RELL1: variants seen among roughly 807,000 people sequenced by gnomAD.
The protein encoded by RELL1 is RELT like 1.
Under a neutral mutation model 23.0 loss-of-function variants are expected in RELL1, and 10 were observed. The ratio of observed to expected loss-of-function variants is 0.43; its 90% CI spans 0.27 to 0.74. The LOEUF is 0.74. RELL1 is among the 30% of genes least tolerant of loss of function. The probability of loss-of-function intolerance (pLI) is 0.19; values close to 1 mark genes in which losing one functional copy is unlikely to be tolerated. For missense variants in RELL1, 315 were observed against 364.4 expected, an observed-to-expected ratio of 0.86 and a Z score of 1.10; for synonymous variants, 146 against 146.8, an observed-to-expected ratio of 0.99 and a Z score of 0.04.
chr4:37,637,613 C>T (rs1720377882), intron 4 of RELL1, among the ~76,000 whole-genome samples: 1 of 152,216 alleles, frequency 6.6e-6, no homozygotes, highest in Non-Finnish European at 1.5e-5. Context: ...CATCCTACAG[C>T]ATTCACAGGC....
chr4:37,652,360 C>T (rs1295105399), intron 1 of RELL1, among the ~76,000 whole-genome samples: 4 of 152,218 alleles, frequency 2.6e-5, no homozygotes, highest in Non-Finnish European at 5.9e-5. Flanking sequence ...ATAATAAATA[C>T]ATCCCTAAAT....
intron 6 of RELL1, among the ~76,000 whole-genome samples, chr4:37,595,920 G>A (rs1201404425): frequency 6.6e-6 from 1 of 151,974 alleles, no homozygotes; most frequent in Non-Finnish European, 1.5e-5. Context: ...AATCCTGGAA[G>A]AGAAGGAAAA....
intron 6 of RELL1, among the ~76,000 whole-genome samples, chr4:37,617,180 TTCAGATTC>T (rs1171096014): frequency 6.6e-6 from 1 of 152,146 alleles, no homozygotes; most frequent in East Asian, 1.9e-4. Flanking sequence ...TACCAAAAAC[TTCAGATTC>T]CTTGGGCCTC....
intron 5 of RELL1, 23 bp downstream of exon 5, chr4:37,634,864 A>G (rs1467877890): frequency 1.3e-5 from 21 of 1,607,616 alleles, no homozygotes; most frequent in Non-Finnish European, 1.7e-5. Flanking sequence ...CACACAAACC[A>G]AAAGCATCTG....
chr4:37,606,055 G>A (rs1194417130), downstream of RELL1, among the ~76,000 whole-genome samples: 1 of 140,914 alleles, frequency 7.1e-6, no homozygotes, highest in African/African-American at 2.7e-5. This position sits in a 1 kb window ranked among gnomAD's most constrained non-coding sequence, Gnocchi z 4.1. Flanking sequence ...AAAGAAGAAA[G>A]GGAAGGAAGG....
In RELL1 at chr4:37,621,174, C is replaced by T. The variant is rs536799025; in HGVS notation, c.*4-7832G>A. Among the ~76,000 whole-genome samples, 6 of 152,170 alleles carry T rather than the reference C, an allele frequency of 3.9e-5. No individual in the cohort carries two copies. In the South Asian group the frequency reaches 8.3e-4, roughly 21 times the overall value. ...TCTCAAGGCACAAATTAAGAAAAATCGGCCAGGCGCGGTGGCTTACGCCTG... is the reference window on the plus strand; with the variant it reads ...TCTCAAGGCACAAATTAAGAAAAATTGGCCAGGCGCGGTGGCTTACGCCTG... On this transcript the variant is annotated intron_variant, in intron 6 of 6. Coordinates refer to ENST00000454158, the MANE Select transcript of RELL1 (RefSeq NM_001085400.2).
intron 3 of RELL1, among the ~76,000 whole-genome samples, chr4:37,645,087 G>A (rs977569822): frequency 6.6e-6 from 1 of 152,230 alleles, no homozygotes; most frequent in African/African-American, 2.4e-5. Flanking sequence ...ACCCTCATGA[G>A]TGCTATGACG....
At chr4:37,644,760 G>A (rs1050503962) in intron 3 of RELL1, among the ~76,000 whole-genome samples, 4 of 151,914 alleles carry the variant, frequency 2.6e-5, no homozygotes, top group Non-Finnish European at 2.9e-5. Context: ...ACGCCCGGCC[G>A]CTACTTTGAA....
At chr4:37,598,716 G>A (rs553284731) in intron 6 of RELL1, among the ~76,000 whole-genome samples, 2 of 151,460 alleles carry the variant, frequency 1.3e-5, no homozygotes, top group African/African-American at 2.4e-5. Flanking sequence ...ATGGAGTCTC[G>A]CTCTGTCACC....
chr4:37,669,827 C>T (rs371910333), intron 1 of RELL1, among the ~76,000 whole-genome samples: 2,096 of 151,626 alleles, frequency 0.014, 41 homozygotes, highest in African/African-American at 0.047. Context: ...GTTAAACAGA[C>T]GCTTGAAGGC....
Position 37,612,636 on chromosome 4 carries a change from C to CAAAA in RELL1, c.*706_*709dup, listed in dbSNP as rs978165271. The stretch of plus-strand genomic sequence containing the variant: ...TAGGGGACACAGCGAGACTCTGCCT[C>CAAAA]AAAAAAAAAAAAAAAAAAACCTTCT... On this transcript the variant is annotated 3_prime_UTR_variant, in exon 7 of 7. Coordinates refer to ENST00000454158, the MANE Select transcript of RELL1 (RefSeq NM_001085400.2). 5.0e-5 allele frequency among the ~76,000 whole-genome samples: 3 copies of CAAAA among 60,160 alleles called. No homozygotes were observed. In the East Asian group the frequency reaches 1.5e-3, roughly 29 times the overall value. The allele number at this position is 60,160 out of a possible 152,430, so 39.5% of individuals were successfully genotyped here.
intron 1 of RELL1, among the ~76,000 whole-genome samples, chr4:37,672,901 G>A (rs2109310473): frequency 6.6e-6 from 1 of 152,250 alleles, no homozygotes; most frequent in South Asian, 2.1e-4. Flanking sequence ...CCTCCAGACT[G>A]GGAAGGAGAA....
At chr4:37,668,108 G>A (rs1721601726) in intron 1 of RELL1, among the ~76,000 whole-genome samples, 1 of 151,924 alleles carries the variant, frequency 6.6e-6, no homozygotes. Context: ...TTGTGTCTTA[G>A]CATTCCCCAC....
intron 1 of RELL1, among the ~76,000 whole-genome samples, chr4:37,683,961 G>C (rs1212395958): frequency 1.3e-5 from 2 of 149,604 alleles, no homozygotes; most frequent in African/African-American, 4.9e-5. Flanking sequence ...GGCGCCTGTA[G>C]TCCCAGCTAC....
At chr4:37,631,197 C>A (rs1489784809) in intron 6 of RELL1, among the ~76,000 whole-genome samples, 188 bp downstream of exon 6, 1 of 152,156 alleles carries the variant, frequency 6.6e-6, no homozygotes, top group Admixed American at 6.5e-5. Context: ...TTTGTGACTT[C>A]TTTACAAGAA....
rs559576003 is a variant in RELL1 at position 37,624,034 on chromosome 4, C to T, written c.*3+7351G>A. 5.9e-5 allele frequency among the ~76,000 whole-genome samples: 9 copies of T among 152,266 alleles called. No homozygotes were observed. In the South Asian group the frequency reaches 1.5e-3, roughly 25 times the overall value. ...TGAGAGGACTGCAAATCAAGCAGTACGACTTCCGAGGGGGTCCCCAAGGAG... is the reference window on the plus strand; with the variant it reads ...TGAGAGGACTGCAAATCAAGCAGTATGACTTCCGAGGGGGTCCCCAAGGAG... On this transcript the variant is annotated intron_variant, in intron 6 of 6. Transcript: ENST00000454158.
chr4:37,596,289 G>A (rs926918428), intron 6 of RELL1, among the ~76,000 whole-genome samples: 1 of 152,146 alleles, frequency 6.6e-6, no homozygotes, highest in Non-Finnish European at 1.5e-5. Flanking sequence ...GTGTGCCCCT[G>A]AGGCATGTGG....
intron 1 of RELL1, among the ~76,000 whole-genome samples, chr4:37,650,651 T>G (rs1720896700): frequency 6.6e-6 from 1 of 152,078 alleles, no homozygotes; most frequent in South Asian, 2.1e-4. Flanking sequence ...AGTTTTTGCC[T>G]TTAGACATGT....
At chr4:37,680,779 A>AAAAT (rs1227332162) in intron 1 of RELL1, among the ~76,000 whole-genome samples, 1 of 151,990 alleles carries the variant, frequency 6.6e-6, no homozygotes, top group Non-Finnish European at 1.5e-5. Flanking sequence ...ATATAAAAAC[A>AAAAT]AAATTAGCCA....
Sources: gnomAD v4.1 joint callset for allele counts (sites outside exome capture counted in the v4.1 genomes callset) on GRCh38, gnomAD v4.1.1 for gene constraint, Gnocchi (gnomAD v3.1) non-coding constraint, MANE v1.5 for transcripts, NCBI Gene and HGNC (gene_info 2026-07-23, HGNC 2026-07-21) for gene names.